Variants in PDE4D observed in about 807,000 individuals in gnomAD.
The protein encoded by PDE4D is 3',5'-cyclic-AMP phosphodiesterase 4D.
Under a neutral mutation model 87.4 loss-of-function variants are expected in PDE4D, and 24 were observed. The observed-to-expected ratio is 0.27, with a 90% CI of 0.20 to 0.39. The LOEUF is 0.39. Ranked by LOEUF, PDE4D falls within the 10% of genes least tolerant of loss-of-function variation. PDE4D has a pLI of 1.00. For synonymous variants in PDE4D, 384 were observed against 383.2 expected, an observed-to-expected ratio of 1.00 and a Z score of -0.02; for missense variants, 714 against 1,041.0, an observed-to-expected ratio of 0.69 and a Z score of 4.32.
intron 1 of PDE4D, among the ~76,000 whole-genome samples, chr5:60,458,953 T>C (rs1230455363): frequency 1.3e-5 from 2 of 151,894 alleles, no homozygotes; most frequent in African/African-American, 2.4e-5. Flanking sequence ...GACAACTAAC[T>C]AAAGTGGTGT....
intron 1 of PDE4D, among the ~76,000 whole-genome samples, chr5:59,738,638 T>C (rs1043046334): frequency 6.6e-6 from 1 of 152,006 alleles, no homozygotes; most frequent in African/African-American, 2.4e-5. Flanking sequence ...TGGTTTGAAC[T>C]CTTTGATGCA....
At chr5:59,972,419 T>A (rs189600219) in intron 3 of PDE4D, among the ~76,000 whole-genome samples, 1 of 152,294 alleles carries the variant, frequency 6.6e-6, no homozygotes, top group East Asian at 1.9e-4. Context: ...GTGACAATAA[T>A]ATAAGTCTAA....
intron 1 of PDE4D, among the ~76,000 whole-genome samples, chr5:59,458,794 C>A (rs1800304182): frequency 6.6e-6 from 1 of 152,174 alleles, no homozygotes; most frequent in South Asian, 2.1e-4. Context: ...TGTTACTACT[C>A]TGGATCTGCA....
intron 1 of PDE4D, among the ~76,000 whole-genome samples, chr5:59,842,023 G>T (rs191674494): frequency 6.6e-6 from 1 of 151,954 alleles, no homozygotes; most frequent in Non-Finnish European, 1.5e-5. Context: ...TGGTTTCTAG[G>T]AATAGGTGCT....
chr5:59,218,493 A>G (rs1177087063), intron 1 of PDE4D, among the ~76,000 whole-genome samples: 1 of 152,154 alleles, frequency 6.6e-6, no homozygotes, highest in East Asian at 1.9e-4. Context: ...TACAACTTTT[A>G]AGCCATAATA....
At chr5:60,212,414 C>T (rs1743333531) in intron 1 of PDE4D, among the ~76,000 whole-genome samples, 1 of 152,168 alleles carries the variant, frequency 6.6e-6, no homozygotes, top group South Asian at 2.1e-4. Flanking sequence ...ATGCTTACAG[C>T]CTGCAAGTGA....
intron 1 of PDE4D, among the ~76,000 whole-genome samples, chr5:60,328,362 T>C (rs1439503450): frequency 6.6e-6 from 1 of 152,182 alleles, no homozygotes; most frequent in African/African-American, 2.4e-5. Context: ...CAAATGGCAA[T>C]ATTATCTGAC....
At chr5:59,307,423 A>G (rs1210176660) in intron 1 of PDE4D, among the ~76,000 whole-genome samples, 2 of 151,922 alleles carry the variant, frequency 1.3e-5, no homozygotes, top group Non-Finnish European at 2.9e-5. Context: ...GTGAACAGGC[A>G]ACCTACAAAA....
In PDE4D at chr5:58,973,084, G is replaced by T. The variant is rs1286845294; in HGVS notation, c.*1580C>A. ...GCTACACTTAAAACCGTTTCTCAGG[G>T]ATGTTCCTGATATAGTTCTTAATCC... is the stretch of plus-strand genomic sequence containing the variant. On this transcript the variant is annotated 3_prime_UTR_variant, in exon 15 of 15. Coordinates refer to ENST00000340635, the MANE Select transcript of PDE4D (RefSeq NM_001104631.2). The T allele has an allele frequency of 6.6e-6, 1 of 152,140 alleles. No individual in the cohort carries two copies. The highest frequency in any genetic ancestry group is 1.9e-4 in the East Asian group (1 of 5,202). The allele number at this position is 152,140 out of a possible 1,614,324, so 9.4% of individuals were successfully genotyped here.
At chr5:59,490,823 T>C (rs1003677734) in intron 1 of PDE4D, among the ~76,000 whole-genome samples, 1 of 152,202 alleles carries the variant, frequency 6.6e-6, no homozygotes. Context: ...ACCACGAAAG[T>C]AAAAGGCTCA....
chr5:59,240,072 C>T (rs26695), intron 1 of PDE4D, among the ~76,000 whole-genome samples: 79,414 of 151,944 alleles, frequency 0.52, 21,241 homozygotes, highest in Admixed American at 0.56. Context: ...GAAGCACTAA[C>T]GCAATTATCT....
At chr5:59,529,838 T>C (rs1813863070) in intron 1 of PDE4D, among the ~76,000 whole-genome samples, 1 of 152,180 alleles carries the variant, frequency 6.6e-6, no homozygotes, top group Admixed American at 6.5e-5. Flanking sequence ...TTTCAAAATA[T>C]GATAGATATG....
At chr5:60,394,776 A>G (rs1296855543) in intron 1 of PDE4D, among the ~76,000 whole-genome samples, 1 of 152,216 alleles carries the variant, frequency 6.6e-6, no homozygotes, top group African/African-American at 2.4e-5. Context: ...GTCTATTTAC[A>G]TATGTTTAAG....
chr5:59,533,827 T>A (rs1261674119), intron 1 of PDE4D, among the ~76,000 whole-genome samples: 3 of 152,224 alleles, frequency 2.0e-5, no homozygotes, highest in African/African-American at 7.2e-5. Context: ...GATGCCCTTT[T>A]ACTTTCTTAC....
chr5:59,564,391 G>A (rs977399214), intron 1 of PDE4D, among the ~76,000 whole-genome samples: 2 of 152,180 alleles, frequency 1.3e-5, no homozygotes, highest in East Asian at 1.9e-4. Context: ...ACTTGGAAGT[G>A]AGAGAGAATC....
intron 1 of PDE4D, among the ~76,000 whole-genome samples, chr5:59,436,812 C>A (rs1796863026): frequency 1.3e-5 from 2 of 152,250 alleles, no homozygotes; most frequent in Non-Finnish European, 2.9e-5. Flanking sequence ...ACTGTCATTG[C>A]CTCCAAAACC....
chr5:59,207,936 T>A (rs1207023289), intron 2 of PDE4D, among the ~76,000 whole-genome samples: 1 of 151,292 alleles, frequency 6.6e-6, no homozygotes, highest in Admixed American at 6.6e-5. Context: ...GGTGGGAGGA[T>A]CACTTGAGGT....
chr5:60,206,059 T>C (rs1248698412), intron 1 of PDE4D, among the ~76,000 whole-genome samples: 1 of 152,162 alleles, frequency 6.6e-6, no homozygotes, highest in African/African-American at 2.4e-5. Context: ...CCAGTGTTTC[T>C]TGAAAAAATG....
intron 11 of PDE4D, among the ~76,000 whole-genome samples, chr5:58,983,365 T>G (rs775708493): frequency 1.9e-4 from 29 of 152,240 alleles, no homozygotes; most frequent in Non-Finnish European, 3.7e-4. Flanking sequence ...CTTTAGTGTC[T>G]GCTCGGACCT....
Sources: gnomAD v4.1 joint callset for allele counts (sites outside exome capture counted in the v4.1 genomes callset) on GRCh38, gnomAD v4.1.1 for gene constraint, MANE v1.5 for transcripts, NCBI Gene and HGNC (gene_info 2026-07-23, HGNC 2026-07-21) for gene names.